NIPAL1: variants seen among roughly 807,000 people sequenced by gnomAD.
NIPAL1 encodes the protein magnesium transporter NIPA3.
In NIPAL1, 35 loss-of-function variants were observed where a neutral mutation model predicts 37.7. That is an observed-to-expected ratio of 0.93 (90% CI 0.71 to 1.23). NIPAL1 has a LOEUF of 1.23. Among genes scored for constraint, NIPAL1 ranks in the 50% most tolerant of loss-of-function variants. The pLI is 0.00. For missense variants in NIPAL1, 412 were observed against 473.9 expected, an observed-to-expected ratio of 0.87 and a Z score of 1.21; for synonymous variants, 162 against 183.0, an observed-to-expected ratio of 0.89 and a Z score of 0.93.
chr4:48,021,873 G>A (rs76017420), intron 1 of NIPAL1, among the ~76,000 whole-genome samples: 1,754 of 136,288 alleles, frequency 0.013, 29 homozygotes, highest in African/African-American at 0.044. Context: ...AAACTGGCTG[G>A]TTGATACATT....
At chr4:48,030,784 A>G (rs987775513) in intron 3 of NIPAL1, among the ~76,000 whole-genome samples, 3 of 152,230 alleles carry the variant, frequency 2.0e-5, no homozygotes, top group Non-Finnish European at 4.4e-5. Context: ...TGCTGACTTC[A>G]GTCTCCCCAC....
rs1388274789 is a variant in NIPAL1 at position 48,036,828 on chromosome 4, T to G, written c.*656T>G. On this transcript the variant is annotated 3_prime_UTR_variant, in exon 6 of 6. Coordinates refer to ENST00000295461, the MANE Select transcript of NIPAL1 (RefSeq NM_207330.3). Reference sequence around the variant, plus strand: ...CTGTAGTTCCAGCCACCCGGGAGCCTGAGGTGGGAGGATTGCTTGAGTCTG... The same window carrying G: ...CTGTAGTTCCAGCCACCCGGGAGCCGGAGGTGGGAGGATTGCTTGAGTCTG... 6.5e-6 allele frequency: 1 copy of G among 152,860 alleles called. No individual in the cohort carries two copies. Among genetic ancestry groups the G allele is most frequent in the African/African-American group, 2.4e-5 (1 of 41,426 alleles). 9.5% of individuals were successfully genotyped at this position (152,860 alleles called of 1,614,324 possible).
In NIPAL1 at chr4:48,036,518, A is replaced by G. The variant is rs551796235; in HGVS notation, c.*346A>G. 4 of 276,640 alleles carry G rather than the reference A, an allele frequency of 1.4e-5. No homozygotes were observed. The highest frequency in any genetic ancestry group is 5.4e-5 in the Admixed American group (1 of 18,368). The allele number at this position is 276,640 out of a possible 1,614,324, so 17.1% of individuals were successfully genotyped here. On this transcript the variant is annotated 3_prime_UTR_variant, in exon 6 of 6. Coordinates refer to ENST00000295461, the MANE Select transcript of NIPAL1 (RefSeq NM_207330.3). ...TTTTTAGACTTACAGTCATTCACCA[A>G]TATACAGTTAGCAGTGTTCTGATAG...
rs907282544 is a variant in NIPAL1, at chr4:48,039,898, G to A, written c.*3726G>A. ...CTCATTTTAAATAATGCAAGTGAAA[G>A]TGAATTCATCATACTATCTCAACAC... On this transcript the variant is annotated 3_prime_UTR_variant, in exon 6 of 6. Transcript: ENST00000295461. 2 of 152,112 alleles carry A rather than the reference G, an allele frequency of 1.3e-5. No homozygotes were observed. The highest frequency in any genetic ancestry group is 2.9e-5 in the Non-Finnish European group (2 of 68,004). The allele number at this position is 152,112 out of a possible 1,614,324, so 9.4% of individuals were successfully genotyped here. A position where few individuals can be genotyped will look rare whatever the true frequency, so the allele number is the denominator to read the frequency against.
rs1716045415 is a variant in NIPAL1, at chr4:48,040,085, G to A, written c.*3913G>A. ...AACTGTTCATGAAGCCTTATATTTT[G>A]CAAGTGTTTTTACTGTTGATTTTAG... On this transcript the variant is annotated 3_prime_UTR_variant, in exon 6 of 6. Coordinates refer to ENST00000295461, the MANE Select transcript of NIPAL1 (RefSeq NM_207330.3). The A allele has an allele frequency of 6.6e-6, 1 of 152,098 alleles. No homozygotes were observed. The highest frequency in any genetic ancestry group is 1.5e-5 in the Non-Finnish European group (1 of 68,020). The allele number at this position is 152,098 out of a possible 1,614,324, so 9.4% of individuals were successfully genotyped here.
chr4:48,030,040 C>G (rs952649003), intron 2 of NIPAL1, 80 bp from the exon 3 acceptor site: 2 of 789,864 alleles, frequency 2.5e-6, no homozygotes, highest in African/African-American at 1.7e-5. Context: ...TAATCCAGTA[C>G]GCTTCCTAGA....
intron 2 of NIPAL1, among the ~76,000 whole-genome samples, chr4:48,025,613 A>G (rs767928563): frequency 3.3e-5 from 5 of 152,188 alleles, no homozygotes; most frequent in South Asian, 2.1e-4. Flanking sequence ...GTAAATATCT[A>G]TTAGGTGCCA....
intron 5 of NIPAL1, 65 bp from the exon 6 acceptor site, chr4:48,035,497 A>C: frequency 6.8e-7 from 1 of 1,466,446 alleles, no homozygotes; most frequent in South Asian, 1.2e-5. Context: ...ATGACTAACA[A>C]GATTTCAGAA....
chr4:48,025,350 A>G lies in NIPAL1; in HGVS notation c.313+16A>G, dbSNP rs1305862952. The G allele has an allele frequency of 1.2e-6, 2 of 1,609,248 alleles. No homozygotes were observed. Among genetic ancestry groups the G allele is most frequent in the Non-Finnish European group, 1.7e-6 (2 of 1,177,664 alleles). On this transcript the variant is annotated intron_variant, in intron 2 of 5. Coordinates refer to ENST00000295461, the MANE Select transcript of NIPAL1 (RefSeq NM_207330.3). ...ACTAGAGCTGGTAAGAAACACATGC[A>G]ACTAATGAATTTAAGTTTCTAACTG...
intron 4 of NIPAL1, 47 bp downstream of exon 4, chr4:48,033,130 A>G: frequency 8.4e-7 from 1 of 1,183,612 alleles, no homozygotes; most frequent in Non-Finnish European, 1.3e-6. Flanking sequence ...TTTTAAGACC[A>G]AGATAAACTT....
intron 2 of NIPAL1, among the ~76,000 whole-genome samples, chr4:48,025,713 T>C (rs754037667): frequency 1.3e-5 from 2 of 152,196 alleles, no homozygotes; most frequent in Non-Finnish European, 2.9e-5. Flanking sequence ...CATGTACAAC[T>C]AAGAATTATC....
At position 48,037,279 on chromosome 4, in the gene NIPAL1, G is replaced by C. The variant is rs907390448; in HGVS notation, c.*1107G>C. 2.3e-6 allele frequency: 1 copy of C among 435,748 alleles called. No individual in the cohort carries two copies. Among genetic ancestry groups the C allele is most frequent in the Admixed American group, 2.7e-5 (1 of 37,548 alleles). 27.0% of individuals were successfully genotyped at this position (435,748 alleles called of 1,614,324 possible). On this transcript the variant is annotated 3_prime_UTR_variant, in exon 6 of 6. Transcript: ENST00000295461. ...CACAGACACGTGATTGTTTTCACAG[G>C]TTCCATTAATTAACTCAGGTCTGGA...
At chr4:48,025,764 T>C (rs1463352991) in intron 2 of NIPAL1, among the ~76,000 whole-genome samples, 1 of 152,184 alleles carries the variant, frequency 6.6e-6, no homozygotes, top group Non-Finnish European at 1.5e-5. Flanking sequence ...CGGTTTATCT[T>C]AGTCTCTATC....
In NIPAL1 at chr4:48,039,162, TGGTGAAA is replaced by T. The variant is rs1716023656; in HGVS notation, c.*2991_*2997del. The T allele has an allele frequency of 6.6e-6, 1 of 151,972 alleles. No individual in the cohort carries two copies. Among genetic ancestry groups the T allele is most frequent in the East Asian group, 1.9e-4 (1 of 5,190 alleles). 9.4% of individuals were successfully genotyped at this position (151,972 alleles called of 1,614,324 possible). ...GAGTTCAAGACCAGCCTGGCCAACA[TGGTGAAA>T]CCCCGTCTCTACTAAAAATACAAAA... is the stretch of plus-strand genomic sequence containing the variant. On this transcript the variant is annotated 3_prime_UTR_variant, in exon 6 of 6. Coordinates refer to ENST00000295461, the MANE Select transcript of NIPAL1 (RefSeq NM_207330.3).
At chr4:48,019,818 G>C (rs1219474791) in intron 1 of NIPAL1, among the ~76,000 whole-genome samples, 1 of 152,130 alleles carries the variant, frequency 6.6e-6, no homozygotes, top group African/African-American at 2.4e-5. Flanking sequence ...CATTTCACCT[G>C]ATCCTTCTCC....
intron 2 of NIPAL1, among the ~76,000 whole-genome samples, chr4:48,028,820 A>G (rs1335489344): frequency 6.6e-6 from 1 of 152,220 alleles, no homozygotes; most frequent in Non-Finnish European, 1.5e-5. Context: ...AAAAATCCTC[A>G]GTGTAACTAA....
At chr4:48,017,944 T>G (rs891236424) in intron 1 of NIPAL1, among the ~76,000 whole-genome samples, 4 of 151,958 alleles carry the variant, frequency 2.6e-5, no homozygotes, top group African/African-American at 9.7e-5. Flanking sequence ...TCCTCTTGAC[T>G]CTTCCAGCTT....
chr4:48,022,694 A>G (rs924431644), intron 1 of NIPAL1, among the ~76,000 whole-genome samples: 1 of 152,242 alleles, frequency 6.6e-6, no homozygotes, highest in Non-Finnish European at 1.5e-5. Context: ...ACAAAAATAT[A>G]CTTAATCACT....
At chr4:48,025,925 C>T (rs564632095) in intron 2 of NIPAL1, among the ~76,000 whole-genome samples, 2 of 152,142 alleles carry the variant, frequency 1.3e-5, no homozygotes, top group South Asian at 4.2e-4. Flanking sequence ...TTGCGTGGAA[C>T]CCTTCTCCCT....
Sources: gnomAD v4.1 joint callset for allele counts (sites outside exome capture counted in the v4.1 genomes callset) on GRCh38, gnomAD v4.1.1 for gene constraint, MANE v1.5 for transcripts, NCBI Gene and HGNC (gene_info 2026-07-23, HGNC 2026-07-21) for gene names.